Variants in WRN observed in about 807,000 individuals in gnomAD.
WRN encodes bifunctional 3'-5' exonuclease/ATP-dependent helicase WRN.
In WRN, 149 loss-of-function variants were observed where a neutral mutation model predicts 180.7. The ratio of observed to expected loss-of-function variants is 0.82; its 90% CI spans 0.72 to 0.94. The LOEUF (loss-of-function observed/expected upper bound fraction) is 0.94, where lower values mean the gene tolerates loss of function less well. WRN is among the 40% of genes least tolerant of loss of function. The probability of loss-of-function intolerance (pLI) is 0.00; values close to 1 mark genes in which losing one functional copy is unlikely to be tolerated. For synonymous variants in WRN, 548 were observed against 568.9 expected (o/e 0.96, Z 0.52); for missense variants, 1,661 against 1,700.1 (o/e 0.98, Z 0.40).
At position 31,141,561 on chromosome 8, in the gene WRN, G is replaced by A. The variant is rs1268861917; in HGVS notation, c.3099G>A (p.Arg1033=). 6.2e-7 allele frequency: 1 copy of A among 1,614,138 alleles called. No individual in the cohort carries two copies. The highest frequency in any genetic ancestry group is 1.1e-5 in the South Asian group (1 of 91,068). Residue 1033 remains arginine (R), a synonymous_variant, in exon 25 of 35, where the codon CGG becomes CGA. Coordinates refer to ENST00000298139, the MANE Select transcript of WRN (RefSeq NM_000553.6). ...ITEGFLVEVS[R]YNKFMKICAL... ...AGGGATTCTTGGTAGAAGTTTCTCG[G>A]TATAACAAATTTATGAAGATTTGCG... is the stretch of plus-strand genomic sequence containing the variant.
chr8:31,046,058 GCTGTTA>G (rs1406978848), intron 1 of WRN, among the ~76,000 whole-genome samples: 1 of 151,970 alleles, frequency 6.6e-6, no homozygotes, highest in Non-Finnish European at 1.5e-5. Context: ...TGTCATTTTT[GCTGTTA>G]CTGATTTTGG....
intron 28 of WRN, among the ~76,000 whole-genome samples, chr8:31,145,460 T>C (rs1429331656): frequency 6.6e-6 from 1 of 152,180 alleles, no homozygotes; most frequent in Non-Finnish European, 1.5e-5. Context: ...TTTAAGCCCA[T>C]TGTTGAAACC....
intron 8 of WRN, among the ~76,000 whole-genome samples, chr8:31,078,698 G>A (rs1323996105): frequency 6.6e-6 from 1 of 152,088 alleles, no homozygotes; most frequent in East Asian, 1.9e-4. Flanking sequence ...ATTTAAATTC[G>A]GTATATATCT....
intron 20 of WRN, among the ~76,000 whole-genome samples, chr8:31,117,785 A>G (rs940961115): frequency 6.6e-6 from 1 of 152,186 alleles, no homozygotes; most frequent in African/African-American, 2.4e-5. Flanking sequence ...ACACATAGTC[A>G]TGCTGTAATG....
At chr8:31,144,155 A>G (rs986507253) in intron 28 of WRN, among the ~76,000 whole-genome samples, 3 of 152,180 alleles carry the variant, frequency 2.0e-5, no homozygotes, top group Admixed American at 2.0e-4. Context: ...ACCCTGCGTC[A>G]AACAGGTCAT....
Position 31,173,120 on chromosome 8 carries a change from C to G in WRN, c.*18C>G. 1 of 1,596,686 alleles carries G rather than the reference C, an allele frequency of 6.3e-7. No homozygotes were observed. Among genetic ancestry groups the G allele is most frequent in the Non-Finnish European group, 8.6e-7 (1 of 1,164,412 alleles). On this transcript the variant is annotated 3_prime_UTR_variant, in exon 35 of 35. Coordinates refer to ENST00000298139, the MANE Select transcript of WRN (RefSeq NM_000553.6). Reference sequence around the variant, plus strand: ...TTAGTTAAGCTGGCAATTACCAGAACAATTATGTTTCTTGCTGTATTATAA... The same window carrying G: ...TTAGTTAAGCTGGCAATTACCAGAAGAATTATGTTTCTTGCTGTATTATAA...
chr8:31,171,227 G>C (rs1366004576), intron 34 of WRN: 1 of 151,664 alleles, frequency 6.6e-6, no homozygotes, highest in Non-Finnish European at 1.5e-5. Context: ...CTCTATTGCT[G>C]TTCAGATGTA....
rs74451859 is a variant in WRN at position 31,036,506 on chromosome 8, C to T, written c.-77+2533C>T. Among the ~76,000 whole-genome samples, 506 of 152,304 alleles carry T rather than the reference C, an allele frequency of 3.3e-3. 2 individuals carry two copies. Among genetic ancestry groups the T allele is most frequent in the African/African-American group, 0.011 (466 of 41,572 alleles). On this transcript the variant is annotated intron_variant, in intron 1 of 34. Coordinates refer to ENST00000298139, the MANE Select transcript of WRN (RefSeq NM_000553.6). ...AGGAGTTCCCTTTTCTCCACATCCT[C>T]GCCAACACTTATCTTTTGTCTTTTT...
At position 31,150,355 on chromosome 8, in the gene WRN, A is replaced by C; in HGVS notation, c.3587A>C (p.Glu1196Ala). The C allele has an allele frequency of 6.2e-7, 1 of 1,614,048 alleles. No homozygotes were observed. The highest frequency in any genetic ancestry group is 8.5e-7 in the Non-Finnish European group (1 of 1,179,950). Residue 1196 changes from glutamate (E) to alanine (A), a missense_variant, in exon 31 of 35, where the codon GAA becomes GCA. Around this residue, in one of 3 missense-constraint regions of WRN, gnomAD observed 1,141 missense variants for 1,149.4 expected, o/e 0.99. Transcript: ENST00000298139. ...GTTAAACACAGACCAACTACGGTTG[A>C]AAACGTAAAAAGGATTGATGGTGTT... is the stretch of plus-strand genomic sequence containing the variant. ...DMAKMRPTTV[E>A]NVKRIDGVSE...
At chr8:31,049,052 A>G (rs980450401) in intron 1 of WRN, among the ~76,000 whole-genome samples, 1 of 151,548 alleles carries the variant, frequency 6.6e-6, no homozygotes, top group Non-Finnish European at 1.5e-5. Flanking sequence ...TAAAAAAAAA[A>G]TACAGAAAAT....
intron 7 of WRN, among the ~76,000 whole-genome samples, chr8:31,072,157 A>G (rs1439985663): frequency 6.6e-6 from 1 of 152,218 alleles, no homozygotes; most frequent in Admixed American, 6.5e-5. Context: ...TGCCATAGAC[A>G]TCGAGGAAAT....
chr8:31,069,130 C>G (rs1812816692), intron 7 of WRN, among the ~76,000 whole-genome samples: 1 of 152,192 alleles, frequency 6.6e-6, no homozygotes, highest in Admixed American at 6.5e-5. Context: ...TCGTAGCTTC[C>G]TTTTGGAGAT....
chr8:31,142,119 A>AT (rs1243449140), intron 26 of WRN, among the ~76,000 whole-genome samples: 4 of 151,790 alleles, frequency 2.6e-5, no homozygotes, highest in African/African-American at 7.3e-5. Flanking sequence ...ATATATTTTA[A>AT]TTTTTTGTAT....
chr8:31,102,367 G>T (rs1247861512), intron 18 of WRN, among the ~76,000 whole-genome samples: 1 of 152,124 alleles, frequency 6.6e-6, no homozygotes, highest in African/African-American at 2.4e-5. Flanking sequence ...AGTTGTTTGT[G>T]GTCATGTGTT....
intron 19 of WRN, among the ~76,000 whole-genome samples, chr8:31,114,080 G>A (rs956651096): frequency 4.6e-5 from 7 of 152,210 alleles, no homozygotes; most frequent in Admixed American, 1.3e-4. Flanking sequence ...ACCATTGAGA[G>A]TCAGAATGCT....
chr8:31,141,401 T>G, intron 24 of WRN, 29 bp from the exon 25 acceptor site: 1 of 1,613,140 alleles, frequency 6.2e-7, no homozygotes, highest in East Asian at 2.2e-5. Context: ...ATTAGCATTT[T>G]TAGATACTGA....
At chr8:31,092,657 CT>C (rs1485601093) in intron 16 of WRN, among the ~76,000 whole-genome samples, 2 of 151,992 alleles carry the variant, frequency 1.3e-5, no homozygotes, top group Admixed American at 1.3e-4. Context: ...CATATATTTA[CT>C]GAGTTTTGAT....
intron 5 of WRN, among the ~76,000 whole-genome samples, 159 bp downstream of exon 5, chr8:31,065,222 C>T (rs1430712995): frequency 6.6e-6 from 1 of 151,734 alleles, no homozygotes; most frequent in African/African-American, 2.4e-5. Context: ...TAATGAAAAC[C>T]TTTATTTATT....
At chr8:31,057,870 A>G (rs1355559541) in intron 1 of WRN, among the ~76,000 whole-genome samples, 2 of 152,146 alleles carry the variant, frequency 1.3e-5, no homozygotes, top group African/African-American at 4.8e-5. Context: ...TTTTTAAAAA[A>G]TCCTCTAAAA....
Sources: gnomAD v4.1 joint callset for allele counts (sites outside exome capture counted in the v4.1 genomes callset) on GRCh38, gnomAD v4.1.1 for gene constraint, gnomAD v4.1.1 regional missense constraint, MANE v1.5 for transcripts, NCBI Gene and HGNC (gene_info 2026-07-23, HGNC 2026-07-21) for gene names.